LY96: variants seen among roughly 807,000 people sequenced by gnomAD.
LY96 encodes the protein myeloid differentiation protein-2.
Under a neutral mutation model 18.9 loss-of-function variants are expected in LY96, and 18 were observed. That is an observed-to-expected ratio of 0.95 (90% CI 0.66 to 1.41). The LOEUF is 1.41. LY96 is among the 40% of genes most tolerant of loss of function. LY96 has a pLI of 0.00. For synonymous variants in LY96, 66 were observed against 62.6 expected, an observed-to-expected ratio of 1.06 and a Z score of -0.26; for missense variants, 175 against 182.4, an observed-to-expected ratio of 0.96 and a Z score of 0.23.
rs116365322 is a variant in LY96 at position 74,025,170 on chromosome 8, C to T, written c.332-1619C>T. Among the ~76,000 whole-genome samples the T allele has an allele frequency of 7.5e-3, 1,136 of 152,264 alleles. 12 individuals are homozygous for T. Among genetic ancestry groups the T allele is most frequent in the African/African-American group, 0.026 (1,075 of 41,550 alleles). Reference sequence around the variant, plus strand: ...TCTATATCTCCAATAGACTTTAGCTCTTTGAGAGAAGGGACAGAGTTGTAC... The same window carrying T: ...TCTATATCTCCAATAGACTTTAGCTTTTTGAGAGAAGGGACAGAGTTGTAC... On this transcript the variant is annotated intron_variant, in intron 3 of 4. Transcript: ENST00000284818.
At chr8:74,086,354 G>T in the LY96 span, among the ~76,000 whole-genome samples, 4 of 152,192 alleles carry the variant, frequency 2.6e-5, no homozygotes, top group African/African-American at 9.6e-5. Flanking sequence ...CTGGCAAGAG[G>T]TGGGCACTCC....
At chr8:74,046,572 C>T in the LY96 span, among the ~76,000 whole-genome samples, 4 of 151,862 alleles carry the variant, frequency 2.6e-5, no homozygotes, top group Non-Finnish European at 5.9e-5. Flanking sequence ...ATGCCCACCC[C>T]CCACGCAAAA....
the LY96 span, among the ~76,000 whole-genome samples, chr8:74,081,058 T>TCTCTTTCTCTCTTTCTC: frequency 3.8e-5 from 5 of 130,426 alleles, no homozygotes; most frequent in South Asian, 2.3e-4. Context: ...TTTTCTTTCT[T>TCTCTTTCTCTCTTTCTC]TCTTTCTTAC....
chr8:74,064,847 CTAA>C, the LY96 span, among the ~76,000 whole-genome samples: 3 of 152,172 alleles, frequency 2.0e-5, no homozygotes, highest in South Asian at 6.2e-4. Context: ...TGTAATAACA[CTAA>C]TAATATGTTT....
At chr8:74,094,707 T>G in the LY96 span, among the ~76,000 whole-genome samples, 1 of 152,182 alleles carries the variant, frequency 6.6e-6, no homozygotes, top group African/African-American at 2.4e-5. Flanking sequence ...ATGTCTTAGG[T>G]GCTTTCCTAG....
At chr8:74,002,093 T>TCTCTCTC (rs1343711445) in intron 1 of LY96, among the ~76,000 whole-genome samples, 1 of 38,700 alleles carries the variant, frequency 2.6e-5, no homozygotes, top group African/African-American at 1.6e-4. Context: ...CTTTCTTTCT[T>TCTCTCTC]TCTCTCTCTC....
the LY96 span, among the ~76,000 whole-genome samples, chr8:74,053,838 T>C: frequency 6.6e-6 from 1 of 152,180 alleles, no homozygotes; most frequent in Non-Finnish European, 1.5e-5. Context: ...AAGACCCCCA[T>C]GGTGAGACTG....
chr8:73,992,521 G>T lies in LY96; in HGVS notation c.112+967G>T, dbSNP rs577154519. Among the ~76,000 whole-genome samples, 164 of 152,140 alleles carry T rather than the reference G, an allele frequency of 1.1e-3. 1 individual carries two copies. Among genetic ancestry groups the T allele is most frequent in the Non-Finnish European group, 2.1e-3 (144 of 68,018 alleles). On this transcript the variant is annotated intron_variant, in intron 1 of 4. Coordinates refer to ENST00000284818, the MANE Select transcript of LY96 (RefSeq NM_015364.5). ...ACATTTTCAATTTCATTTGTTGTTT[G>T]TTTGTTTGTGTTTTAGTCTGGAGTG...
the LY96 span, among the ~76,000 whole-genome samples, chr8:74,062,500 G>T: frequency 6.6e-6 from 1 of 152,002 alleles, no homozygotes; most frequent in South Asian, 2.1e-4. Flanking sequence ...GCGGTCTTTG[G>T]TTTTTTGTTC....
chr8:74,005,861 A>G (rs143889840), intron 2 of LY96, among the ~76,000 whole-genome samples: 181 of 152,298 alleles, frequency 1.2e-3, no homozygotes, highest in African/African-American at 4.1e-3. Context: ...TATCATCATC[A>G]TTATCACATA....
At position 73,996,372 on chromosome 8, in the gene LY96, C is replaced by CCTTTCTTTCTTTCTTTCTTT. The variant is rs541600290; in HGVS notation, c.112+4867_112+4886dup. Among the ~76,000 whole-genome samples the CCTTTCTTTCTTTCTTTCTTT allele has an allele frequency of 6.7e-3, 744 of 110,798 alleles. 12 individuals are homozygous for CCTTTCTTTCTTTCTTTCTTT. The highest frequency in any genetic ancestry group is 0.02 in the East Asian group (62 of 3,142). 72.7% of individuals were successfully genotyped at this position (110,798 alleles called of 152,430 possible). On this transcript the variant is annotated intron_variant, in intron 1 of 4. Transcript: ENST00000284818. ...TCCTTCCTTCCTTCCTTCCTTCATT[C>CCTTTCTTTCTTTCTTTCTTT]CTTTCTTTCTTTCTTTCTTTCTTTC... is the stretch of plus-strand genomic sequence containing the variant.
Position 74,025,654 on chromosome 8 carries a change from C to CAAAAA in LY96, c.332-1118_332-1114dup, listed in dbSNP as rs574843103. Among the ~76,000 whole-genome samples the CAAAAA allele has an allele frequency of 2.5e-3, 172 of 68,802 alleles. 2 individuals are homozygous for CAAAAA. Among genetic ancestry groups the CAAAAA allele is most frequent in the African/African-American group, 8.0e-3 (168 of 21,108 alleles). 45.1% of individuals were successfully genotyped at this position (68,802 alleles called of 152,430 possible). A position where few individuals can be genotyped will look rare whatever the true frequency, so the allele number is the denominator to read the frequency against. On this transcript the variant is annotated intron_variant, in intron 3 of 4. Coordinates refer to ENST00000284818, the MANE Select transcript of LY96 (RefSeq NM_015364.5). Reference sequence around the variant, plus strand: ...TGGGCGACAGAGCGAAACTCCGTCTCAAAAAAAAAAAAAAAAAAAAAGATA... The same window carrying CAAAAA: ...TGGGCGACAGAGCGAAACTCCGTCTCAAAAAAAAAAAAAAAAAAAAAAAAAAGATA...
chr8:74,016,876 C>T (rs1563717154), intron 3 of LY96, among the ~76,000 whole-genome samples: 1 of 152,116 alleles, frequency 6.6e-6, no homozygotes, highest in Admixed American at 6.5e-5. Context: ...AAAAGGACAT[C>T]CACACCAAAA....
the LY96 span, among the ~76,000 whole-genome samples, chr8:74,094,088 C>T: frequency 1.3e-5 from 2 of 151,856 alleles, no homozygotes; most frequent in African/African-American, 2.4e-5. Flanking sequence ...TCAAGTATAT[C>T]GCCGGTCCTT....
chr8:73,999,785 C>T (rs974134557), intron 1 of LY96, among the ~76,000 whole-genome samples: 2 of 152,284 alleles, frequency 1.3e-5, no homozygotes, highest in South Asian at 2.1e-4. Context: ...TCCCAAGGTG[C>T]TGAGATTACA....
At chr8:74,084,903 C>A in the LY96 span, among the ~76,000 whole-genome samples, 7 of 152,216 alleles carry the variant, frequency 4.6e-5, no homozygotes, top group Non-Finnish European at 2.9e-5. Flanking sequence ...GCGTGAGCCA[C>A]CGCACCCAGC....
the LY96 span, among the ~76,000 whole-genome samples, chr8:74,039,763 C>A: frequency 6.6e-6 from 1 of 152,262 alleles, no homozygotes; most frequent in East Asian, 1.9e-4. Flanking sequence ...TTTCTTCTAC[C>A]GCTATCTACT....
the LY96 span, among the ~76,000 whole-genome samples, chr8:74,071,884 G>C: frequency 4.6e-5 from 7 of 152,198 alleles, no homozygotes; most frequent in South Asian, 1.2e-3. Context: ...GCATTGTGTG[G>C]ATATACCACA....
At chr8:74,098,804 G>T in the LY96 span, among the ~76,000 whole-genome samples, 1 of 152,120 alleles carries the variant, frequency 6.6e-6, no homozygotes, top group Non-Finnish European at 1.5e-5. Context: ...CTAACTTTTG[G>T]TGACATAATT....
Sources: gnomAD v4.1 joint callset for allele counts (sites outside exome capture counted in the v4.1 genomes callset) on GRCh38, gnomAD v4.1.1 for gene constraint, MANE v1.5 for transcripts, NCBI Gene and HGNC (gene_info 2026-07-23, HGNC 2026-07-21) for gene names.